UGT1A8: variants seen among roughly 807,000 people sequenced by gnomAD.
The protein encoded by UGT1A8 is UDP glucuronosyltransferase family 1 member A8.
A neutral mutation model predicts 45.3 loss-of-function variants in UGT1A8; 39 were observed. That is an observed-to-expected ratio of 0.86 (90% confidence interval 0.67 to 1.12). The LOEUF is 1.12. Among genes scored for constraint, UGT1A8 ranks in the 50% most tolerant of loss-of-function variants. The probability of loss-of-function intolerance (pLI) is 0.00; values close to 1 mark genes in which losing one functional copy is unlikely to be tolerated. For missense variants in UGT1A8, 719 were observed against 664.9 expected, an observed-to-expected ratio of 1.08 and a Z score of -0.90; for synonymous variants, 275 against 249.2, an observed-to-expected ratio of 1.10 and a Z score of -0.97.
At chr2:233,679,143 A>G (rs1205830225) in intron 1 of UGT1A8, among the ~76,000 whole-genome samples, 2 of 152,148 alleles carry the variant, frequency 1.3e-5, no homozygotes, top group Non-Finnish European at 2.9e-5. Context: ...GAGAGACTGA[A>G]TTAGAGATGT....
At chr2:233,747,247 C>T in intron 1 of UGT1A8, 1 of 1,601,894 alleles carries the variant, frequency 6.2e-7, no homozygotes, top group Non-Finnish European at 8.5e-7. Context: ...CCTGCTGTGG[C>T]TGGCCACAGG....
At chr2:233,661,623 T>TTTTCTTTCTTTCCTTTC (rs2073965685) in intron 1 of UGT1A8, among the ~76,000 whole-genome samples, 1 of 123,952 alleles carries the variant, frequency 8.1e-6, no homozygotes, top group Non-Finnish European at 1.7e-5. Flanking sequence ...ACTTACTGAA[T>TTTTCTTTCTTTCCTTTC]TTTCTTTCTT....
At chr2:233,737,438 C>T (rs756713740) in intron 1 of UGT1A8, among the ~76,000 whole-genome samples, 1 of 152,164 alleles carries the variant, frequency 6.6e-6, no homozygotes, top group Non-Finnish European at 1.5e-5. Context: ...GTGGGAGTGT[C>T]CCGTTTTTCC....
At chr2:233,689,514 G>T (rs2074948140) in intron 1 of UGT1A8, among the ~76,000 whole-genome samples, 1 of 152,216 alleles carries the variant, frequency 6.6e-6, no homozygotes, top group South Asian at 2.1e-4. Flanking sequence ...GTTACACATT[G>T]GTTTGGTCAT....
chr2:233,699,767 G>A (rs563489772), intron 1 of UGT1A8, among the ~76,000 whole-genome samples: 2 of 152,322 alleles, frequency 1.3e-5, no homozygotes, highest in South Asian at 4.1e-4. Context: ...CTCAGGACTA[G>A]TTCTGTTCCC....
At chr2:233,740,865 T>C (rs1159264843) in intron 1 of UGT1A8, 1 of 151,874 alleles carries the variant, frequency 6.6e-6, no homozygotes, top group Admixed American at 6.5e-5. Flanking sequence ...AAAAATTCTT[T>C]AAATAAAATG....
chr2:233,682,274 T>C, intron 1 of UGT1A8: 1 of 1,614,202 alleles, frequency 6.2e-7, no homozygotes, highest in Non-Finnish European at 8.5e-7. Flanking sequence ...AACAAGTTCA[T>C]CCAATGGTAT....
chr2:233,718,144 T>C (rs2076632951), intron 1 of UGT1A8: 2 of 232,512 alleles, frequency 8.6e-6, no homozygotes, highest in Non-Finnish European at 1.8e-5. Context: ...GAATCCTCAA[T>C]AAAGCCTTCC....
rs200729912 is a variant in UGT1A8 at position 233,749,181 on chromosome 2, T to A, written c.856-17853T>A. Among the ~76,000 whole-genome samples, 4 of 151,898 alleles carry A rather than the reference T, an allele frequency of 2.6e-5. No homozygotes were observed. The East Asian group carries it at 7.7e-4, about 29-fold the overall frequency. On this transcript the variant is annotated intron_variant, in intron 1 of 4. Transcript: ENST00000373450. The stretch of plus-strand genomic sequence containing the variant: ...CCTTTTGTATTTTTATTTCTGTACT[T>A]CTTTTTATTAACATAGGTATTATTG...
chr2:233,760,861 T>A, intron 1 of UGT1A8: 1 of 1,614,158 alleles, frequency 6.2e-7, no homozygotes, highest in Non-Finnish European at 8.5e-7. Flanking sequence ...CCCATTCTCC[T>A]ACGTGCCCAG....
At chr2:233,654,609 C>T (rs1033145866) in intron 1 of UGT1A8, among the ~76,000 whole-genome samples, 1 of 152,156 alleles carries the variant, frequency 6.6e-6, no homozygotes, top group East Asian at 1.9e-4. Flanking sequence ...TAAACCACAG[C>T]CCTATAAAAT....
intron 1 of UGT1A8, chr2:233,636,416 T>C: frequency 6.8e-7 from 1 of 1,468,890 alleles, no homozygotes; most frequent in Non-Finnish European, 9.1e-7. Flanking sequence ...TATGAAAGGA[T>C]AAATACACGC....
At chr2:233,691,835 G>A (rs2075059557) in intron 1 of UGT1A8, 1 of 166,852 alleles carries the variant, frequency 6.0e-6, no homozygotes, top group African/African-American at 2.4e-5. Context: ...GTAACAGTTT[G>A]AATGTTGTTA....
intron 1 of UGT1A8, among the ~76,000 whole-genome samples, chr2:233,716,238 T>C (rs17863791): frequency 0.1 from 15,440 of 152,242 alleles, 905 homozygotes; most frequent in East Asian, 0.2. Context: ...TACATTGTCC[T>C]GCCCGGACAT....
Position 233,657,961 on chromosome 2 carries a change from G to A in UGT1A8, c.855+39399G>A, listed in dbSNP as rs116286518. ...TATTTTAGAAGAAATTTAGATTTAT[G>A]CAAGGTTGCAAGAACTAGCACAGAG... On this transcript the variant is annotated intron_variant, in intron 1 of 4. Transcript: ENST00000373450. 3.1e-3 allele frequency among the ~76,000 whole-genome samples: 469 copies of A among 150,828 alleles called. 4 individuals carry two copies. Among genetic ancestry groups the A allele is most frequent in the African/African-American group, 0.011 (447 of 41,094 alleles).
intron 1 of UGT1A8, among the ~76,000 whole-genome samples, chr2:233,709,577 A>T (rs186174292): frequency 4.7e-4 from 71 of 152,336 alleles, no homozygotes; most frequent in Admixed American, 1.4e-3. Flanking sequence ...AAAATTCAAA[A>T]AATATACCAG....
At chr2:233,698,811 CT>C (rs1271175599) in intron 1 of UGT1A8, among the ~76,000 whole-genome samples, 1 of 152,244 alleles carries the variant, frequency 6.6e-6, no homozygotes, top group Non-Finnish European at 1.5e-5. Context: ...CCAGCCTCGC[CT>C]TGTGGAAGAG....
At chr2:233,672,280 A>G in intron 1 of UGT1A8, 4 of 1,613,878 alleles carry the variant, frequency 2.5e-6, no homozygotes, top group Non-Finnish European at 3.4e-6. Context: ...ATACAATGAC[A>G]TTTTTGACTT....
chr2:233,677,649 A>G (rs1229200884), intron 1 of UGT1A8, among the ~76,000 whole-genome samples: 1 of 152,180 alleles, frequency 6.6e-6, no homozygotes, highest in Non-Finnish European at 1.5e-5. Context: ...ACCAGTTAGA[A>G]TGGCTGTTAT....
Sources: gnomAD v4.1 joint callset for allele counts (sites outside exome capture counted in the v4.1 genomes callset) on GRCh38, gnomAD v4.1.1 for gene constraint, MANE v1.5 for transcripts, NCBI Gene and HGNC (gene_info 2026-07-23, HGNC 2026-07-21) for gene names.